Variants in SV2B observed in about 807,000 individuals in gnomAD.
SV2B encodes synaptic vesicle glycoprotein 2B.
Under a neutral mutation model 73.9 loss-of-function variants are expected in SV2B, and 41 were observed. The ratio of observed to expected loss-of-function variants is 0.56; its 90% CI spans 0.43 to 0.72. The LOEUF (loss-of-function observed/expected upper bound fraction) is 0.72. SV2B is among the 30% of genes least tolerant of loss of function. The probability of loss-of-function intolerance (pLI) is 0.00; values close to 1 mark genes in which losing one functional copy is unlikely to be tolerated. For synonymous variants in SV2B, 314 were observed against 314.2 expected (o/e 1.00, Z 0.01); for missense variants, 764 against 857.8 (o/e 0.89, Z 1.37).
intron 1 of SV2B, among the ~76,000 whole-genome samples, chr15:91,188,852 G>A (rs866108854): frequency 5.3e-5 from 8 of 151,750 alleles, no homozygotes; most frequent in African/African-American, 1.9e-4. Flanking sequence ...TTGAGATGGA[G>A]TTTTGCTCTT....
chr15:91,276,971 A>C (rs7171307), intron 9 of SV2B, among the ~76,000 whole-genome samples: 65,107 of 151,768 alleles, frequency 0.43, 15,072 homozygotes, highest in African/African-American at 0.57. Flanking sequence ...CAGGCATGCA[A>C]CACCACACCT....
chr15:91,099,989 A>G (rs555274437), upstream of SV2B: 1 of 152,432 alleles, frequency 6.6e-6, no homozygotes, highest in African/African-American at 2.4e-5. Context: ...TTGCGGCCTC[A>G]CTGGTCCTCC....
rs2042364306 is a variant in SV2B at position 91,122,355 on chromosome 15, A to G, written c.-392+21992A>G. Among the ~76,000 whole-genome samples, 2 of 152,232 alleles carry G rather than the reference A, an allele frequency of 1.3e-5. No individual in the cohort carries two copies. Among genetic ancestry groups the G allele is most frequent in the South Asian group, 4.1e-4 (2 of 4,832 alleles). ...CTGTACACAAATGGAGTCTCCAGAC[A>G]TCCTCCCTGGGGAAACAGTCTAGAA... On this transcript the variant is annotated intron_variant, in intron 1 of 12. Coordinates refer to ENST00000394232, the MANE Select transcript of SV2B (RefSeq NM_001323032.3). The surrounding 1 kb of genome is among the most constrained non-coding windows in gnomAD (Gnocchi z 4.3).
chr15:91,247,062 G>C (rs898703487), intron 2 of SV2B, among the ~76,000 whole-genome samples: 2 of 152,104 alleles, frequency 1.3e-5, no homozygotes, highest in Non-Finnish European at 2.9e-5. Flanking sequence ...CCCTTCCCTG[G>C]TGATAGGCTC....
intron 11 of SV2B, among the ~76,000 whole-genome samples, chr15:91,285,237 C>T (rs1232871098): frequency 6.6e-6 from 1 of 152,124 alleles, no homozygotes; most frequent in Non-Finnish European, 1.5e-5. Context: ...GCGTGGTAAG[C>T]GTGAGAACTG....
At chr15:91,120,813 A>G (rs1260901005) in intron 1 of SV2B, among the ~76,000 whole-genome samples, 1 of 147,090 alleles carries the variant, frequency 6.8e-6, no homozygotes, top group Non-Finnish European at 1.5e-5. Context: ...ACCTGTCTCA[A>G]AAAAAAAAAA....
rs781598060 is a variant in SV2B, at chr15:91,197,216, TTTTTGTTTTG to T, written c.-391-28636_-391-28627del. ...TGTTTTGTTTTTGTGTTTTTTTTGTTTTTTGTTTTGTTTTGTTTTGTTTTGTTTTGAGACA... is the reference window on the plus strand; with the variant it reads ...TGTTTTGTTTTTGTGTTTTTTTTGTTTTTTGTTTTGTTTTGTTTTGAGACA... On this transcript the variant is annotated intron_variant, in intron 1 of 12. Coordinates refer to ENST00000394232, the MANE Select transcript of SV2B (RefSeq NM_001323032.3). This position sits in a 1 kb window ranked among gnomAD's most constrained non-coding sequence, Gnocchi z 4.9. Among the ~76,000 whole-genome samples the T allele has an allele frequency of 1.5e-4, 22 of 144,900 alleles. No homozygotes were observed. The highest frequency in any genetic ancestry group is 1.4e-4 in the African/African-American group (5 of 34,942).
chr15:91,273,321 C>A (rs2141716152), intron 9 of SV2B, among the ~76,000 whole-genome samples: 1 of 152,244 alleles, frequency 6.6e-6, no homozygotes, highest in South Asian at 2.1e-4. Flanking sequence ...TGTGACCTGT[C>A]TAAGCCTAGG....
In SV2B at chr15:91,289,492, T is replaced by C. The variant is rs376609617; in HGVS notation, c.1709-29T>C. 1 of 1,614,040 alleles carries C rather than the reference T, an allele frequency of 6.2e-7. No homozygotes were observed. Among genetic ancestry groups the C allele is most frequent in the Admixed American group, 1.7e-5 (1 of 60,022 alleles). ...CATGTGCAAGACACAGGCCTCATGT[T>C]TCTTTTTGCCCTTGAACTCCCTCTG... On this transcript the variant is annotated intron_variant, in intron 11 of 12. Transcript: ENST00000394232. The surrounding 1 kb of genome is among the most constrained non-coding windows in gnomAD (Gnocchi z 4.9).
chr15:91,143,818 C>T (rs996503839), intron 1 of SV2B, among the ~76,000 whole-genome samples: 2 of 152,174 alleles, frequency 1.3e-5, no homozygotes, highest in Non-Finnish European at 2.9e-5. Context: ...AGATTTGCTT[C>T]AGCCTCGAAG....
intron 9 of SV2B, among the ~76,000 whole-genome samples, chr15:91,277,846 C>T (rs1351943964): frequency 6.6e-6 from 1 of 152,084 alleles, no homozygotes; most frequent in Non-Finnish European, 1.5e-5. Flanking sequence ...CTTATTATTT[C>T]CCTTTTTGTT....
intron 1 of SV2B, among the ~76,000 whole-genome samples, chr15:91,156,581 A>T (rs1239919233): frequency 6.6e-6 from 1 of 152,224 alleles, no homozygotes; most frequent in Non-Finnish European, 1.5e-5. Flanking sequence ...GAAGCTGCGC[A>T]GGAGAGACCC....
At position 91,297,932 on chromosome 15, in the gene SV2B, T is replaced by G. The variant is rs544561452; in HGVS notation, c.*5380T>G. 1 of 152,358 alleles carries G rather than the reference T, an allele frequency of 6.6e-6. No homozygotes were observed. The highest frequency in any genetic ancestry group is 1.9e-4 in the East Asian group (1 of 5,182). 9.4% of individuals were successfully genotyped at this position (152,358 alleles called of 1,614,324 possible). Reference sequence around the variant, plus strand: ...TCCCCTGGGGGTTGGTGATCTTTGTTTTGGCCATTTCCACCTGGTGAAGAT... The same window carrying G: ...TCCCCTGGGGGTTGGTGATCTTTGTGTTGGCCATTTCCACCTGGTGAAGAT... On this transcript the variant is annotated 3_prime_UTR_variant, in exon 13 of 13. Transcript: ENST00000394232. This position sits in a 1 kb window ranked among gnomAD's most constrained non-coding sequence, Gnocchi z 5.1.
chr15:91,260,161 C>T, intron 5 of SV2B, among the ~76,000 whole-genome samples, 159 bp from the exon 6 acceptor site: 1 of 152,142 alleles, frequency 6.6e-6, no homozygotes, highest in East Asian at 1.9e-4. Flanking sequence ...TGGTCTTTCA[C>T]AGGTCCTAGA....
rs1359687393 is a variant in SV2B, at chr15:91,224,673, G to A, written c.-391-1200G>A. The stretch of plus-strand genomic sequence containing the variant: ...TGGTCCTAATGCTGTGACCTTGATC[G>A]CGTTACTAACCCACTCGGAGACAGT... On this transcript the variant is annotated intron_variant, in intron 1 of 12. Coordinates refer to ENST00000394232, the MANE Select transcript of SV2B (RefSeq NM_001323032.3). The surrounding 1 kb of genome is among the most constrained non-coding windows in gnomAD (Gnocchi z 4.9). 1.3e-5 allele frequency among the ~76,000 whole-genome samples: 2 copies of A among 152,166 alleles called. No homozygotes were observed. Among genetic ancestry groups the A allele is most frequent in the African/African-American group, 2.4e-5 (1 of 41,422 alleles).
At position 91,128,426 on chromosome 15, in the gene SV2B, C is replaced by T. The variant is rs1026689941; in HGVS notation, c.-392+28063C>T. Among the ~76,000 whole-genome samples the T allele has an allele frequency of 6.6e-6, 1 of 152,232 alleles. No individual in the cohort carries two copies. Among genetic ancestry groups the T allele is most frequent in the African/African-American group, 2.4e-5 (1 of 41,458 alleles). Reference sequence around the variant, plus strand: ...TCTGATTCCACCCCGCAAACCCTCACCTGGCTGAATATGAGATCCCTACAT... The same window carrying T: ...TCTGATTCCACCCCGCAAACCCTCATCTGGCTGAATATGAGATCCCTACAT... On this transcript the variant is annotated intron_variant, in intron 1 of 12. Transcript: ENST00000394232. This position sits in a 1 kb window ranked among gnomAD's most constrained non-coding sequence, Gnocchi z 4.2.
intron 1 of SV2B, among the ~76,000 whole-genome samples, chr15:91,116,297 C>T (rs536602722): frequency 6.6e-6 from 1 of 152,214 alleles, no homozygotes; most frequent in Admixed American, 6.5e-5. Flanking sequence ...TGTTTGCAGG[C>T]TGTGAATGAG....
In SV2B at chr15:91,261,505, T is replaced by C. The variant is rs2047908903; in HGVS notation, c.1008+1096T>C. On this transcript the variant is annotated intron_variant, in intron 6 of 12. Transcript: ENST00000394232. The surrounding 1 kb of genome is among the most constrained non-coding windows in gnomAD (Gnocchi z 4.7). Reference sequence around the variant, plus strand: ...ACTACCTTGTTCCTGTAAATATTAGTGCAATGAACCTTCTTGTGCACATAG... The same window carrying C: ...ACTACCTTGTTCCTGTAAATATTAGCGCAATGAACCTTCTTGTGCACATAG... Among the ~76,000 whole-genome samples, 1 of 152,188 alleles carries C rather than the reference T, an allele frequency of 6.6e-6. No homozygotes were observed. Among genetic ancestry groups the C allele is most frequent in the Admixed American group, 6.5e-5 (1 of 15,288 alleles).
At chr15:91,246,408 A>G (rs2047226053) in intron 2 of SV2B, among the ~76,000 whole-genome samples, 1 of 152,178 alleles carries the variant, frequency 6.6e-6, no homozygotes, top group African/African-American at 2.4e-5. Context: ...GGTGCCAGGC[A>G]TTTTGCTAGA....
Sources: gnomAD v4.1 joint callset for allele counts (sites outside exome capture counted in the v4.1 genomes callset) on GRCh38, gnomAD v4.1.1 for gene constraint, Gnocchi (gnomAD v3.1) non-coding constraint, MANE v1.5 for transcripts, NCBI Gene and HGNC (gene_info 2026-07-23, HGNC 2026-07-21) for gene names.